Variants in MECOM observed in about 807,000 individuals in gnomAD.
MECOM encodes the protein histone-lysine N-methyltransferase MECOM.
Under a neutral mutation model 116.3 loss-of-function variants are expected in MECOM, and 13 were observed. That is an observed-to-expected ratio of 0.11 (90% CI 0.07 to 0.18). MECOM has a LOEUF of 0.18. MECOM is among the 10% of genes least tolerant of loss of function. The probability of loss-of-function intolerance (pLI) is 1.00; values close to 1 mark genes in which losing one functional copy is unlikely to be tolerated. For synonymous variants in MECOM, 528 were observed against 535.2 expected, an observed-to-expected ratio of 0.99 and a Z score of 0.19; for missense variants, 1,299 against 1,509.0, an observed-to-expected ratio of 0.86 and a Z score of 2.31.
At chr3:169,162,249 A>T (rs1370831323) in intron 2 of MECOM, among the ~76,000 whole-genome samples, 1 of 152,132 alleles carries the variant, frequency 6.6e-6, no homozygotes, top group Non-Finnish European at 1.5e-5. Context: ...GTTGAAAATT[A>T]CCAAACCAAA....
chr3:169,137,413 T>C (rs1322303933), intron 3 of MECOM, among the ~76,000 whole-genome samples: 4 of 152,106 alleles, frequency 2.6e-5, no homozygotes, highest in African/African-American at 9.7e-5. Context: ...AAGGATCCTA[T>C]TATACATTCT....
chr3:169,514,972 A>T (rs566439549), intron 1 of MECOM, among the ~76,000 whole-genome samples: 4 of 152,352 alleles, frequency 2.6e-5, no homozygotes, highest in African/African-American at 9.6e-5. Context: ...ATCCCGGTAG[A>T]CACAGTACTG....
At chr3:169,118,352 A>G (rs1288047036) in intron 7 of MECOM, among the ~76,000 whole-genome samples, 2 of 152,198 alleles carry the variant, frequency 1.3e-5, no homozygotes, top group African/African-American at 4.8e-5. Flanking sequence ...GGAATAGAAG[A>G]TGTGGGTGAT....
intron 1 of MECOM, among the ~76,000 whole-genome samples, chr3:169,389,891 G>T (rs1045261313): frequency 6.6e-6 from 1 of 152,150 alleles, no homozygotes; most frequent in Non-Finnish European, 1.5e-5. Context: ...GTTTAGGGCT[G>T]GACACATTAG....
intron 2 of MECOM, among the ~76,000 whole-genome samples, chr3:169,210,290 T>C (rs182248818): frequency 1.3e-5 from 2 of 152,260 alleles, no homozygotes; most frequent in African/African-American, 4.8e-5. Flanking sequence ...ATGGCACATG[T>C]ATAGCTATGT....
chr3:169,385,170 C>G (rs1733113175), intron 1 of MECOM, among the ~76,000 whole-genome samples: 1 of 151,566 alleles, frequency 6.6e-6, no homozygotes, highest in South Asian at 2.1e-4. Flanking sequence ...ATAGCTTATC[C>G]CATGACCTCT....
chr3:169,155,456 C>T (rs376780599), intron 2 of MECOM, among the ~76,000 whole-genome samples: 7 of 152,146 alleles, frequency 4.6e-5, no homozygotes, highest in African/African-American at 1.7e-4. Context: ...CATTTTCCCA[C>T]TGGCACTGGT....
At chr3:169,454,202 T>C (rs1746083084) in intron 1 of MECOM, among the ~76,000 whole-genome samples, 1 of 152,200 alleles carries the variant, frequency 6.6e-6, no homozygotes. Context: ...GCGAGTAATT[T>C]GTCATACACT....
chr3:169,151,476 A>C (rs1021732629), intron 2 of MECOM, among the ~76,000 whole-genome samples: 3 of 152,226 alleles, frequency 2.0e-5, no homozygotes, highest in Non-Finnish European at 1.5e-5. Context: ...ACTAAACTCC[A>C]AGCCTAACAT....
intron 1 of MECOM, among the ~76,000 whole-genome samples, chr3:169,649,649 T>C (rs751810824): frequency 6.6e-6 from 1 of 152,200 alleles, no homozygotes; most frequent in Non-Finnish European, 1.5e-5. Context: ...TTGATAACTA[T>C]TCATTAATTC....
chr3:169,420,430 T>A (rs2108503637), intron 1 of MECOM, among the ~76,000 whole-genome samples: 1 of 152,214 alleles, frequency 6.6e-6, no homozygotes, highest in African/African-American at 2.4e-5. Flanking sequence ...TTCCTTTCAA[T>A]ACCAAGAACC....
chr3:169,659,564 G>A (rs1407017013), intron 1 of MECOM, among the ~76,000 whole-genome samples: 2 of 143,256 alleles, frequency 1.4e-5, no homozygotes, highest in Admixed American at 7.7e-5. Flanking sequence ...TCAAGTAATA[G>A]CAAATAAACC....
chr3:169,103,716 A>G (rs1724371336), intron 10 of MECOM, among the ~76,000 whole-genome samples: 1 of 152,214 alleles, frequency 6.6e-6, no homozygotes, highest in African/African-American at 2.4e-5. Flanking sequence ...GGAAAAATTA[A>G]CAAGACATAT....
chr3:169,330,899 T>C (rs901900493), intron 2 of MECOM, among the ~76,000 whole-genome samples: 1 of 152,068 alleles, frequency 6.6e-6, no homozygotes, highest in Non-Finnish European at 1.5e-5. Context: ...TATTTGTCTA[T>C]ATATAGAAAT....
At chr3:169,378,386 CAAGAAAGA>C (rs1195791276) in intron 2 of MECOM, among the ~76,000 whole-genome samples, 167 of 59,254 alleles carry the variant, frequency 2.8e-3, no homozygotes, top group Middle Eastern at 8.6e-3. Context: ...GGAAGGAAGA[CAAGAAAGA>C]AAGAAAGAAA....
At chr3:169,366,222 T>C (rs1729139785) in intron 2 of MECOM, among the ~76,000 whole-genome samples, 1 of 151,922 alleles carries the variant, frequency 6.6e-6, no homozygotes, top group Non-Finnish European at 1.5e-5. Flanking sequence ...TCCAGGAAGA[T>C]GGAAGAACTC....
chr3:169,424,018 C>A (rs905329865), intron 1 of MECOM, among the ~76,000 whole-genome samples: 7 of 152,026 alleles, frequency 4.6e-5, no homozygotes, highest in Admixed American at 4.6e-4. Context: ...GTCTAAGATG[C>A]AACAAGCCAA....
chr3:169,648,431 T>C lies in MECOM; in HGVS notation c.37+14905A>G, dbSNP rs144255282. Among the ~76,000 whole-genome samples, 770 of 152,346 alleles carry C rather than the reference T, an allele frequency of 5.1e-3. 3 individuals are homozygous for C. Among genetic ancestry groups the C allele is most frequent in the Non-Finnish European group, 9.1e-3 (620 of 68,038 alleles). The stretch of plus-strand genomic sequence containing the variant: ...TATTTTTAGGTCAAAAAAATATATA[T>C]GATACAATGCTGCTTCATGGGTCAA... On this transcript the variant is annotated intron_variant, in intron 1 of 16. Coordinates refer to ENST00000651503, the MANE Select transcript of MECOM (RefSeq NM_004991.4).
chr3:169,218,106 C>G (rs1226104130), intron 2 of MECOM, among the ~76,000 whole-genome samples: 1 of 151,652 alleles, frequency 6.6e-6, no homozygotes, highest in Non-Finnish European at 1.5e-5. Context: ...GGTTGATAAT[C>G]CAGAAGAGAA....
Sources: allele counts gnomAD v4.1 joint callset (sites outside exome capture counted in the v4.1 genomes callset), GRCh38; gene constraint gnomAD v4.1.1; transcripts MANE v1.5; gene names NCBI Gene and HGNC (gene_info 2026-07-23, HGNC 2026-07-21).